The following SUN2 variants were observed in gnomAD, a reference collection of about 807,000 sequenced individuals.
SUN2 encodes Sad1 and UNC84 domain containing 2, also known as SUN domain-containing protein 2.
SUN2 carries 60 observed loss-of-function variants against 100.0 expected under a neutral mutation model. That is an observed-to-expected ratio of 0.60 (90% confidence interval 0.49 to 0.74). The LOEUF is 0.74. SUN2 is among the 30% of genes least tolerant of loss of function. The probability of loss-of-function intolerance (pLI) is 0.00; values close to 1 mark genes in which losing one functional copy is unlikely to be tolerated. For synonymous variants in SUN2, 367 were observed against 403.3 expected, an observed-to-expected ratio of 0.91 and a Z score of 1.08; for missense variants, 834 against 954.6, an observed-to-expected ratio of 0.87 and a Z score of 1.66.
chr22:38,735,922 C>T lies in SUN2; in HGVS notation c.*345G>A. On this transcript the variant is annotated 3_prime_UTR_variant, in exon 18 of 18. Transcript: ENST00000689035. ...CCTCCCACAGCCCTGGCACCTGCTT[C>T]ATCAGCTCCCAGGCACCAGCCCCTG... The T allele has an allele frequency of 4.6e-6, 1 of 217,232 alleles. No homozygotes were observed. Among genetic ancestry groups the T allele is most frequent in the Middle Eastern group, 4.6e-4 (1 of 2,178 alleles). 13.5% of individuals were successfully genotyped at this position (217,232 alleles called of 1,614,324 possible).
chr22:38,748,787 G>A lies in SUN2; in HGVS notation c.615-4C>T, dbSNP rs759056633. The A allele has an allele frequency of 6.2e-7, 1 of 1,614,206 alleles. No individual in the cohort carries two copies. The highest frequency in any genetic ancestry group is 8.5e-7 in the Non-Finnish European group (1 of 1,180,032). ...CGTCTTCAGGGACGAGAAGCGCCTG[G>A]ACCACGCGGGAGGGCAGGACGGGGG... On this transcript the variant is annotated splice_region_variant and splice_polypyrimidine_tract_variant and intron_variant, in intron 6 of 17. Coordinates refer to ENST00000689035, the MANE Select transcript of SUN2 (RefSeq NM_015374.3).
intron 8 of SUN2, among the ~76,000 whole-genome samples, chr22:38,744,261 C>CAAAA (rs35027225): frequency 1.2e-4 from 7 of 60,716 alleles, no homozygotes; most frequent in Non-Finnish European, 1.6e-4. Flanking sequence ...GACTCTGTCT[C>CAAAA]AAAAAAAAAA....
chr22:38,749,937 C>G, intron 5 of SUN2, 78 bp from the exon 6 acceptor site: 1 of 1,405,062 alleles, frequency 7.1e-7, no homozygotes, highest in South Asian at 1.3e-5. Flanking sequence ...TGCCGTCCTC[C>G]CTGCCCCTAC....
intron 8 of SUN2, 73 bp downstream of exon 8, chr22:38,745,611 G>A: frequency 6.3e-7 from 1 of 1,579,506 alleles, no homozygotes; most frequent in Non-Finnish European, 8.6e-7. Context: ...GGCAGGCTGA[G>A]GGCGCACCCA....
chr22:38,737,405 A>G lies in SUN2; in HGVS notation c.2040+768T>C, dbSNP rs138704. Reference sequence around the variant, plus strand: ...CTCACTCCCAACGCCCCTCTCCCCCACCTATCCTGTTCTGGCTGCTTTCCC... The same window carrying G: ...CTCACTCCCAACGCCCCTCTCCCCCGCCTATCCTGTTCTGGCTGCTTTCCC... On this transcript the variant is annotated intron_variant, in intron 17 of 17. Transcript: ENST00000689035. The surrounding 1 kb of genome is among the most constrained non-coding windows in gnomAD (Gnocchi z 4.1). Among the ~76,000 whole-genome samples the G allele has an allele frequency of 0.36, 53,734 of 150,814 alleles. 10,099 individuals carry two copies. Among genetic ancestry groups the G allele is most frequent in the African/African-American group, 0.48 (19,681 of 41,098 alleles).
At chr22:38,746,448 G>A (rs141942872) in intron 7 of SUN2, among the ~76,000 whole-genome samples, 12 of 152,172 alleles carry the variant, frequency 7.9e-5, no homozygotes, top group Non-Finnish European at 1.3e-4. Flanking sequence ...GCAGGGGAGC[G>A]GGGGAGGGAG....
At chr22:38,748,874 T>C in intron 6 of SUN2, 91 bp from the exon 7 acceptor site, 1 of 1,306,588 alleles carries the variant, frequency 7.7e-7, no homozygotes, top group Non-Finnish European at 1.1e-6. Flanking sequence ...CCCTGAGATG[T>C]TTTCCTGGGT....
chr22:38,752,206 T>G (rs1378907010), intron 2 of SUN2, among the ~76,000 whole-genome samples: 1 of 152,210 alleles, frequency 6.6e-6, no homozygotes, highest in Non-Finnish European at 1.5e-5. Context: ...TCCACCTCCC[T>G]TGGCCTCCCA....
intron 10 of SUN2, 88 bp from the exon 11 acceptor site, chr22:38,741,138 G>T: frequency 7.0e-7 from 1 of 1,426,392 alleles, no homozygotes; most frequent in Non-Finnish European, 9.7e-7. Flanking sequence ...TAGCGTCTTT[G>T]CTTAACCACA....
At chr22:38,741,327 C>G (rs1031813190) in intron 10 of SUN2, among the ~76,000 whole-genome samples, 167 bp downstream of exon 10, 2 of 152,188 alleles carry the variant, frequency 1.3e-5, no homozygotes. Context: ...CCCTGCACAG[C>G]TCTCCAACTA....
chr22:38,750,768 C>T, intron 4 of SUN2, 130 bp downstream of exon 4: 1 of 1,425,830 alleles, frequency 7.0e-7, no homozygotes, highest in Non-Finnish European at 9.4e-7. Context: ...GCACCCAGGG[C>T]CGGGCATGGG....
chr22:38,755,751 G>T lies in SUN2; in HGVS notation c.-38+12C>A. 2.0e-6 allele frequency: 2 copies of T among 984,904 alleles called. No individual in the cohort carries two copies. The highest frequency in any genetic ancestry group is 1.7e-5 in the African/African-American group (1 of 57,262). 61.0% of individuals were successfully genotyped at this position (984,904 alleles called of 1,614,324 possible). A position where few individuals can be genotyped will look rare whatever the true frequency, so the allele number is the denominator to read the frequency against. ...GGCCCCCCAACCCTCTCCTGAGCTC[G>T]CCCGCACTCACCTGCTGCCGCGGCG... On this transcript the variant is annotated intron_variant, in intron 1 of 17. Transcript: ENST00000689035. The surrounding 1 kb of genome is among the most constrained non-coding windows in gnomAD (Gnocchi z 5.7).
At chr22:38,754,616 C>G in intron 1 of SUN2, 1 of 578,122 alleles carries the variant, frequency 1.7e-6, no homozygotes, top group Non-Finnish European at 2.9e-6. Context: ...CCTCCCCCCT[C>G]CCTGCCCCGC....
rs1433702110 is a variant in SUN2, at chr22:38,755,698, ACGGTGACCCGG to A, written c.-38+54_-38+64del. 2.0e-6 allele frequency: 2 copies of A among 981,940 alleles called. No homozygotes were observed. Among genetic ancestry groups the A allele is most frequent in the East Asian group, 2.3e-4 (2 of 8,678 alleles). 60.8% of individuals were successfully genotyped at this position (981,940 alleles called of 1,614,324 possible). A position where few individuals can be genotyped will look rare whatever the true frequency, so the allele number is the denominator to read the frequency against. ...GGCGCGGCCCCGCCCGAGTGGCCCG[ACGGTGACCCGG>A]GGTCAGGCCGGGCCGCGGCCCCCCA... On this transcript the variant is annotated intron_variant, in intron 1 of 17. Transcript: ENST00000689035. The surrounding 1 kb of genome is among the most constrained non-coding windows in gnomAD (Gnocchi z 5.7).
At chr22:38,747,709 G>T (rs538706145) in intron 7 of SUN2, among the ~76,000 whole-genome samples, 1 of 152,298 alleles carries the variant, frequency 6.6e-6, no homozygotes, top group Non-Finnish European at 1.5e-5. Context: ...TTGGGAGGCC[G>T]AGGTGGGTGG....
Position 38,738,041 on chromosome 22 carries a change from C to G in SUN2, c.2040+132G>C. 1 of 832,280 alleles carries G rather than the reference C, an allele frequency of 1.2e-6. No individual in the cohort carries two copies. Among genetic ancestry groups the G allele is most frequent in the East Asian group, 2.5e-5 (1 of 39,854 alleles). 51.6% of individuals were successfully genotyped at this position (832,280 alleles called of 1,614,324 possible). A position where few individuals can be genotyped will look rare whatever the true frequency, so the allele number is the denominator to read the frequency against. ...GTTACACCCCATTTGGATATCACAT[C>G]TTGAGCTGTGGGAAAGGAGAGCAGG... On this transcript the variant is annotated intron_variant, in intron 17 of 17. Coordinates refer to ENST00000689035, the MANE Select transcript of SUN2 (RefSeq NM_015374.3). The surrounding 1 kb of genome is among the most constrained non-coding windows in gnomAD (Gnocchi z 6.6).
rs2092981830 is a variant in SUN2, at chr22:38,755,909, A to T, written c.-184T>A. The T allele has an allele frequency of 1.0e-6, 1 of 982,368 alleles. No individual in the cohort carries two copies. The highest frequency in any genetic ancestry group is 1.2e-6 in the Non-Finnish European group (1 of 828,844). The allele number at this position is 982,368 out of a possible 1,614,324, so 60.9% of individuals were successfully genotyped here. ...CGGGCCCGGGGCGCGCGGGCACGCG[A>T]AGAGCGGCGACGCGGGACAAGGCGG... is the stretch of plus-strand genomic sequence containing the variant. On this transcript the variant is annotated 5_prime_UTR_variant, in exon 1 of 18. Coordinates refer to ENST00000689035, the MANE Select transcript of SUN2 (RefSeq NM_015374.3). The surrounding 1 kb of genome is among the most constrained non-coding windows in gnomAD (Gnocchi z 5.7).
At position 38,742,454 on chromosome 22, in the gene SUN2, C is replaced by T. The variant is rs1189059505; in HGVS notation, c.915G>A (p.Leu305=). Residue 305 remains leucine (L), a synonymous_variant, in exon 9 of 18, where the codon CTG becomes CTA. Coordinates refer to ENST00000689035, the MANE Select transcript of SUN2 (RefSeq NM_015374.3). ...SSNWQKEAMR[L]ERLELRQGAP... ...CCCCTTGCCGCAGCTCCAGACGTTC[C>T]AGCCGCATGGCCTCCTTCTGCCAGT... The T allele has an allele frequency of 1.2e-6, 2 of 1,613,692 alleles. No individual in the cohort carries two copies. Among genetic ancestry groups the T allele is most frequent in the East Asian group, 2.2e-5 (1 of 44,882 alleles).
At position 38,741,519 on chromosome 22, in the gene SUN2, A is replaced by G. The variant is rs1166688001; in HGVS notation, c.1121T>C (p.Phe374Ser). The G allele has an allele frequency of 6.2e-7, 1 of 1,613,952 alleles. No individual in the cohort carries two copies. The change falls in exon 10 of 18, where the codon TTC becomes TCC. Residue 374 changes from phenylalanine to serine, a missense_variant. Transcript: ENST00000689035. ...AEHQQDSEDL[F>S]KKIVRASQES... ...CTGGGAGGCCCGGACGATCTTCTTG[A>G]AGAGGTCTTCTGAGTCTTGCTGATG... is the stretch of plus-strand genomic sequence containing the variant.
Sources: allele counts gnomAD v4.1 joint callset (sites outside exome capture counted in the v4.1 genomes callset), GRCh38; gene constraint gnomAD v4.1.1; non-coding constraint Gnocchi (gnomAD v3.1); transcripts MANE v1.5; gene names NCBI Gene and HGNC (gene_info 2026-07-23, HGNC 2026-07-21).